CSMD1: variants seen among roughly 807,000 people sequenced by gnomAD.
CSMD1 encodes CUB and Sushi multiple domains 1.
Under a neutral mutation model 417.5 loss-of-function variants are expected in CSMD1, and 213 were observed. The observed-to-expected ratio is 0.51, with a 90% CI of 0.46 to 0.57. The LOEUF (loss-of-function observed/expected upper bound fraction) is 0.57. CSMD1 is among the 20% of genes least tolerant of loss of function. CSMD1 has a pLI of 0.00. For missense variants in CSMD1, 6,923 were observed against 4,529.7 expected (o/e 1.53, Z -15.17); for synonymous variants, 2,862 against 1,736.8 (o/e 1.65, Z -16.11).
chr8:4,023,671 C>G (rs1313632288), intron 4 of CSMD1, among the ~76,000 whole-genome samples: 1 of 150,588 alleles, frequency 6.6e-6, no homozygotes, highest in Non-Finnish European at 1.5e-5. Context: ...ACTGCAAGCT[C>G]CGCCTCCAGG....
chr8:3,340,036 A>C (rs1048710263), intron 23 of CSMD1, among the ~76,000 whole-genome samples: 5 of 152,146 alleles, frequency 3.3e-5, no homozygotes, highest in African/African-American at 1.2e-4. Context: ...GCCCAAAGAT[A>C]CTCTGGTTTT....
chr8:4,517,106 G>T (rs1376632724), intron 2 of CSMD1, among the ~76,000 whole-genome samples: 5 of 152,108 alleles, frequency 3.3e-5, no homozygotes, highest in Admixed American at 3.3e-4. Flanking sequence ...AGCTTTTCCT[G>T]TAGAAGACTG....
intron 3 of CSMD1, among the ~76,000 whole-genome samples, chr8:4,365,467 T>C (rs999915597): frequency 6.6e-6 from 1 of 152,202 alleles, no homozygotes; most frequent in African/African-American, 2.4e-5. Context: ...GTCTGTTCTT[T>C]TTCTCCAAGT....
chr8:4,850,654 T>G (rs554043322), intron 1 of CSMD1, among the ~76,000 whole-genome samples: 307 of 152,202 alleles, frequency 2.0e-3, no homozygotes, highest in African/African-American at 7.1e-3. Context: ...CAGAACAAAG[T>G]CCTTGCTCCT....
chr8:4,055,272 T>G (rs1798633332), intron 3 of CSMD1, among the ~76,000 whole-genome samples: 1 of 152,154 alleles, frequency 6.6e-6, no homozygotes, highest in Admixed American at 6.6e-5. Context: ...GTTAAACAAT[T>G]TTTGTATTAT....
chr8:4,055,772 C>A (rs1798659120), intron 3 of CSMD1, among the ~76,000 whole-genome samples: 1 of 152,048 alleles, frequency 6.6e-6, no homozygotes, highest in South Asian at 2.1e-4. Context: ...ACTGTATAAA[C>A]AAACAAGACT....
At chr8:4,484,199 C>T (rs1264991298) in intron 2 of CSMD1, among the ~76,000 whole-genome samples, 8 of 131,318 alleles carry the variant, frequency 6.1e-5, no homozygotes, top group South Asian at 2.4e-4. Flanking sequence ...TTGGATGACA[C>T]GAAAAAAAAA....
chr8:3,624,986 G>A (rs1243069339), intron 7 of CSMD1, among the ~76,000 whole-genome samples: 1 of 151,970 alleles, frequency 6.6e-6, no homozygotes, highest in African/African-American at 2.4e-5. Context: ...AGAAAATGTT[G>A]CCATGGTAAT....
chr8:3,652,383 C>T (rs1353529545), intron 7 of CSMD1, among the ~76,000 whole-genome samples: 2 of 152,342 alleles, frequency 1.3e-5, no homozygotes, highest in South Asian at 2.1e-4. Flanking sequence ...GAGCGCTTAG[C>T]ACCATCACAA....
chr8:4,758,980 T>C (rs923825129), intron 1 of CSMD1, among the ~76,000 whole-genome samples: 5 of 148,870 alleles, frequency 3.4e-5, no homozygotes, highest in Non-Finnish European at 5.9e-5. Flanking sequence ...GTGAAGTGCA[T>C]TGCATGACTT....
At chr8:3,967,178 A>G (rs545697868) in intron 5 of CSMD1, among the ~76,000 whole-genome samples, 1 of 152,282 alleles carries the variant, frequency 6.6e-6, no homozygotes, top group Admixed American at 6.5e-5. Flanking sequence ...ATTCCTTTTC[A>G]CTTTCTAACT....
At chr8:4,178,634 T>C (rs918070958) in intron 3 of CSMD1, among the ~76,000 whole-genome samples, 1 of 152,002 alleles carries the variant, frequency 6.6e-6, no homozygotes, top group African/African-American at 2.4e-5. Context: ...AAAGAGGAAG[T>C]CAAATTGTCC....
chr8:4,414,988 A>T (rs981040432), intron 3 of CSMD1, among the ~76,000 whole-genome samples: 1 of 152,168 alleles, frequency 6.6e-6, no homozygotes, highest in Non-Finnish European at 1.5e-5. Flanking sequence ...AAAAGCCAAA[A>T]TGTGATAAAT....
chr8:4,789,160 A>C (rs1220883498), intron 1 of CSMD1, among the ~76,000 whole-genome samples: 1 of 152,204 alleles, frequency 6.6e-6, no homozygotes, highest in African/African-American at 2.4e-5. Context: ...ACAATGTTGT[A>C]TGTTCAGATG....
In CSMD1 at chr8:3,175,507, G is replaced by GCCTGCCTGCCTGCCTGCCTGCCTGCCTT. The variant is rs149583717; in HGVS notation, c.5725+5602_5725+5603insAAGGCAGGCAGGCAGGCAGGCAGGCAGG. Among the ~76,000 whole-genome samples the GCCTGCCTGCCTGCCTGCCTGCCTGCCTT allele has an allele frequency of 5.5e-4, 69 of 125,914 alleles. 1 individual carries two copies. Among genetic ancestry groups the GCCTGCCTGCCTGCCTGCCTGCCTGCCTT allele is most frequent in the African/African-American group, 9.3e-4 (31 of 33,314 alleles). 82.6% of individuals were successfully genotyped at this position (125,914 alleles called of 152,430 possible). On this transcript the variant is annotated intron_variant, in intron 37 of 69. Transcript: ENST00000635120. ...TTCCTGCCTGCCTGCCTGCCTGCCTGCCTTTTTTCCTTCCTTCCTTCCTTC... is the reference window on the plus strand; with the variant it reads ...TTCCTGCCTGCCTGCCTGCCTGCCTGCCTGCCTGCCTGCCTGCCTGCCTGCCTTCCTTTTTTCCTTCCTTCCTTCCTTC...
intron 6 of CSMD1, among the ~76,000 whole-genome samples, chr8:3,742,110 C>T (rs1359319596): frequency 6.6e-6 from 1 of 152,006 alleles, no homozygotes; most frequent in Non-Finnish European, 1.5e-5. Flanking sequence ...ATGAGGAATC[C>T]TGTCCATCAG....
Position 3,223,852 on chromosome 8 carries a change from T to C in CSMD1, c.4361A>G (p.Asn1454Ser), listed in dbSNP as rs747034786. ...AATAACACCTGCTGGGCCCGTCAGA[T>C]TCCCTCCACAAGCAGCTGTCACAGA... Reference protein sequence around the residue: ...PPTCIAACGGNLTGPAGVILS... With the variant: ...PPTCIAACGGSLTGPAGVILS... Residue 1454 changes from asparagine to serine, a missense_variant, in exon 28 of 70, where the codon AAT becomes AGT. By Grantham distance (46) the Asn-to-Ser change is conservative. Transcript: ENST00000635120. 1.2e-6 allele frequency: 2 copies of C among 1,613,790 alleles called. No homozygotes were observed. The highest frequency in any genetic ancestry group is 1.3e-5 in the African/African-American group (1 of 75,018).
At chr8:3,731,591 G>A (rs1417810108) in intron 6 of CSMD1, among the ~76,000 whole-genome samples, 2 of 152,098 alleles carry the variant, frequency 1.3e-5, no homozygotes, top group African/African-American at 2.4e-5. Context: ...TTTTGAAAGT[G>A]ATATGAACTT....
intron 2 of CSMD1, among the ~76,000 whole-genome samples, chr8:4,519,521 T>C (rs575791107): frequency 6.6e-6 from 1 of 151,540 alleles, no homozygotes; most frequent in East Asian, 2.0e-4. Context: ...GGGTGGATCA[T>C]CTGAGGTCAG....
Sources: allele counts gnomAD v4.1 joint callset (sites outside exome capture counted in the v4.1 genomes callset), GRCh38; gene constraint gnomAD v4.1.1; transcripts MANE v1.5; gene names NCBI Gene and HGNC (gene_info 2026-07-23, HGNC 2026-07-21).